Variants in PLCB4 observed in about 807,000 individuals in gnomAD.
PLCB4 encodes the protein phospholipase C beta 4.
In PLCB4, 77 loss-of-function variants were observed where a neutral mutation model predicts 178.8. The ratio of observed to expected loss-of-function variants is 0.43; its 90% CI spans 0.36 to 0.52. PLCB4 has a LOEUF of 0.52. Among genes scored for constraint, PLCB4 ranks in the 20% least tolerant of loss-of-function variants. The pLI, the probability that PLCB4 is intolerant of heterozygous loss-of-function variation, is 0.00. For synonymous variants in PLCB4, 496 were observed against 490.8 expected, an observed-to-expected ratio of 1.01 and a Z score of -0.14; for missense variants, 1,024 against 1,453.4, an observed-to-expected ratio of 0.70 and a Z score of 4.80.
intron 2 of PLCB4, among the ~76,000 whole-genome samples, chr20:9,213,438 C>G (rs6039420): frequency 0.069 from 10,376 of 150,518 alleles, 805 homozygotes; most frequent in African/African-American, 0.18. Context: ...AGCCAACATG[C>G]CCAGCCAGCG....
At chr20:9,077,971 CTT>C (rs1477301986) in intron 1 of PLCB4, among the ~76,000 whole-genome samples, 1 of 152,030 alleles carries the variant, frequency 6.6e-6, no homozygotes, top group Non-Finnish European at 1.5e-5. Flanking sequence ...GTCCTTGACT[CTT>C]ATTTTTTTAT....
Position 9,459,721 on chromosome 20 carries a change from G to T in PLCB4, c.3159G>T (p.Leu1053=). ...CTGAGGAGCAAGAAATCCGAGACCT[G>T]CACCTCAGCCAGCAGTGTGAGCTGC... The part of the protein sequence containing the change: ...HSAEEQEIRD[L]HLSQQCELLK... Residue 1053 remains leucine (L), a synonymous_variant, in exon 35 of 40, where the codon CTG becomes CTT. Transcript: ENST00000378473. 2 of 1,612,588 alleles carry T rather than the reference G, an allele frequency of 1.2e-6. No homozygotes were observed. The highest frequency in any genetic ancestry group is 1.7e-6 in the Non-Finnish European group (2 of 1,178,806).
At chr20:9,246,041 G>T (rs1371610423) in intron 3 of PLCB4, among the ~76,000 whole-genome samples, 2 of 152,056 alleles carry the variant, frequency 1.3e-5, no homozygotes, top group East Asian at 3.9e-4. Context: ...AGACATTTTT[G>T]CAACAATCTA....
chr20:9,084,189 C>A (rs2090292860), intron 1 of PLCB4, among the ~76,000 whole-genome samples: 1 of 152,120 alleles, frequency 6.6e-6, no homozygotes, highest in Non-Finnish European at 1.5e-5. Context: ...TGAGATAAAT[C>A]ATGTCTTTCT....
chr20:9,114,000 G>T (rs1281301467), intron 2 of PLCB4, among the ~76,000 whole-genome samples: 1 of 152,036 alleles, frequency 6.6e-6, no homozygotes, highest in Non-Finnish European at 1.5e-5. Context: ...GATCACTTGA[G>T]ATCAGAAGTT....
intron 19 of PLCB4, 132 bp downstream of exon 19, chr20:9,395,750 GC>G: frequency 1.7e-6 from 1 of 592,532 alleles, no homozygotes; most frequent in Non-Finnish European, 3.0e-6. Context: ...GATTGCTTGA[GC>G]CCAGGAGTTC....
intron 25 of PLCB4, among the ~76,000 whole-genome samples, chr20:9,416,158 T>A (rs2040230771): frequency 1.3e-5 from 2 of 152,198 alleles, no homozygotes; most frequent in Non-Finnish European, 2.9e-5. Flanking sequence ...CCCTTTCCCC[T>A]GCCATTTCTC....
At chr20:9,216,439 G>A (rs1259122096) in intron 2 of PLCB4, among the ~76,000 whole-genome samples, 2 of 152,062 alleles carry the variant, frequency 1.3e-5, no homozygotes, top group Admixed American at 6.6e-5. Flanking sequence ...GGATGGTCTT[G>A]ATCTCCTGAC....
chr20:9,075,143 A>G (rs929748264), intron 1 of PLCB4, among the ~76,000 whole-genome samples: 1 of 152,174 alleles, frequency 6.6e-6, no homozygotes, highest in African/African-American at 2.4e-5. Context: ...GAGATGTTAA[A>G]TTAATCATCC....
At position 9,370,505 on chromosome 20, in the gene PLCB4, A is replaced by G. The variant is rs60442422; in HGVS notation, c.504-709A>G. On this transcript the variant is annotated intron_variant, in intron 9 of 39. Coordinates refer to ENST00000378473, the MANE Select transcript of PLCB4 (RefSeq NM_001377142.1). ...CGCCTCCTTTTCCCTAGGCCCAGTTATTGTCAACATGAGGGTTTGTTCTAG... is the reference window on the plus strand; with the variant it reads ...CGCCTCCTTTTCCCTAGGCCCAGTTGTTGTCAACATGAGGGTTTGTTCTAG... Among the ~76,000 whole-genome samples the G allele has an allele frequency of 4.6e-5, 7 of 152,270 alleles. No homozygotes were observed. The East Asian group carries it at 1.4e-3, about 29-fold the overall frequency.
intron 2 of PLCB4, among the ~76,000 whole-genome samples, chr20:9,132,393 A>G (rs1323915369): frequency 6.6e-6 from 1 of 152,130 alleles, no homozygotes; most frequent in Admixed American, 6.5e-5. Context: ...ATACTTAAGG[A>G]AGCTACCTTT....
chr20:9,207,722 T>C (rs559843891), intron 2 of PLCB4, among the ~76,000 whole-genome samples: 1 of 152,362 alleles, frequency 6.6e-6, no homozygotes, highest in South Asian at 2.1e-4. Flanking sequence ...TCCAATCATG[T>C]TTCTTACTTG....
chr20:9,274,290 G>A (rs1312454690), intron 3 of PLCB4, among the ~76,000 whole-genome samples: 1 of 151,972 alleles, frequency 6.6e-6, no homozygotes, highest in African/African-American at 2.4e-5. Flanking sequence ...AGTTTCTTGA[G>A]TTTACACTAC....
At chr20:9,079,941 G>T (rs2090068975) in intron 1 of PLCB4, among the ~76,000 whole-genome samples, 1 of 152,160 alleles carries the variant, frequency 6.6e-6, no homozygotes, top group South Asian at 2.1e-4. Flanking sequence ...TAGGCTTATA[G>T]ATAGGACAGA....
At chr20:9,268,913 T>C (rs1026279239) in intron 3 of PLCB4, among the ~76,000 whole-genome samples, 1 of 152,214 alleles carries the variant, frequency 6.6e-6, no homozygotes, top group Non-Finnish European at 1.5e-5. Flanking sequence ...TTATCCTCAT[T>C]GTTGCATTTC....
chr20:9,333,229 A>C (rs1013042811), intron 4 of PLCB4, among the ~76,000 whole-genome samples: 16 of 152,186 alleles, frequency 1.1e-4, no homozygotes, highest in African/African-American at 3.9e-4. Flanking sequence ...GCTAGAACAC[A>C]AAGGTAAACA....
chr20:9,211,298 C>A (rs1356687254), intron 2 of PLCB4, among the ~76,000 whole-genome samples: 1 of 152,150 alleles, frequency 6.6e-6, no homozygotes, highest in Non-Finnish European at 1.5e-5. Context: ...CTTGAAACTG[C>A]ATAGCTGGTC....
intron 3 of PLCB4, among the ~76,000 whole-genome samples, chr20:9,247,541 TG>T (rs1228492569): frequency 8.5e-5 from 13 of 152,346 alleles, no homozygotes; most frequent in African/African-American, 3.1e-4. Context: ...CTAACCTTCC[TG>T]GGTAGTTGTT....
chr20:9,324,420 G>A lies in PLCB4; in HGVS notation c.85-12706G>A, dbSNP rs772889152. ...CAGCCTGGTGACACAGTGAGACTCC[G>A]TCTGTCTCAAAAACAACAACAACAA... On this transcript the variant is annotated intron_variant, in intron 4 of 39. Transcript: ENST00000378473. 1.4e-3 allele frequency among the ~76,000 whole-genome samples: 214 copies of A among 152,118 alleles called. 3 individuals are homozygous for A. Among genetic ancestry groups the A allele is most frequent in the Non-Finnish European group, 8.7e-4 (59 of 67,986 alleles).
Sources: gnomAD v4.1 joint callset for allele counts (sites outside exome capture counted in the v4.1 genomes callset) on GRCh38, gnomAD v4.1.1 for gene constraint, MANE v1.5 for transcripts, NCBI Gene and HGNC (gene_info 2026-07-23, HGNC 2026-07-21) for gene names.